Variants in WWOX observed in about 807,000 individuals in gnomAD.
WWOX encodes WW domain-containing oxidoreductase.
Under a neutral mutation model 46.2 loss-of-function variants are expected in WWOX, and 69 were observed. The observed-to-expected ratio is 1.49, with a 90% CI of 1.23 to 1.82. WWOX has a LOEUF of 1.82. Among genes scored for constraint, WWOX ranks in the 40% most tolerant of loss-of-function variants. The pLI is 0.00. For synonymous variants in WWOX, 359 were observed against 202.6 expected (o/e 1.77, Z -6.56); for missense variants, 919 against 542.6 (o/e 1.69, Z -6.89).
chr16:79,064,324 T>A (rs778006670), intron 8 of WWOX, among the ~76,000 whole-genome samples: 39 of 152,236 alleles, frequency 2.6e-4, no homozygotes, highest in Non-Finnish European at 5.6e-4. Context: ...GGGCATAGCT[T>A]GTGGAATTCG....
chr16:78,192,169 C>G (rs2035902206), intron 5 of WWOX, among the ~76,000 whole-genome samples: 1 of 152,040 alleles, frequency 6.6e-6, no homozygotes, highest in Non-Finnish European at 1.5e-5. Flanking sequence ...TAAGTACCCC[C>G]TTAATCTGAA....
intron 8 of WWOX, among the ~76,000 whole-genome samples, chr16:78,956,342 G>C (rs926026125): frequency 6.6e-6 from 1 of 151,766 alleles, no homozygotes; most frequent in South Asian, 2.1e-4. Context: ...TTTAGTGAAG[G>C]CGGAGTTTCA....
intron 8 of WWOX, among the ~76,000 whole-genome samples, chr16:79,086,872 G>C (rs1407651232): frequency 6.6e-6 from 1 of 152,182 alleles, no homozygotes; most frequent in Non-Finnish European, 1.5e-5. Flanking sequence ...GACAGAGTGA[G>C]ACCCTGTCCC....
intron 8 of WWOX, among the ~76,000 whole-genome samples, chr16:78,773,680 AC>A (rs1423199934): frequency 6.6e-6 from 1 of 152,188 alleles, no homozygotes; most frequent in Non-Finnish European, 1.5e-5. Context: ...AAACGAAATC[AC>A]AGTGGTGTGT....
intron 5 of WWOX, among the ~76,000 whole-genome samples, chr16:78,273,538 G>C (rs2079521765): frequency 2.0e-5 from 3 of 152,172 alleles, no homozygotes; most frequent in Admixed American, 2.0e-4. Context: ...TTGTCGAATG[G>C]TCAGATTTGC....
intron 5 of WWOX, among the ~76,000 whole-genome samples, chr16:78,308,956 C>T (rs1190423537): frequency 6.6e-6 from 1 of 152,112 alleles, no homozygotes; most frequent in Non-Finnish European, 1.5e-5. Flanking sequence ...CTAATAACTC[C>T]TTTAACCAAT....
intron 8 of WWOX, among the ~76,000 whole-genome samples, chr16:78,691,759 C>T (rs762571185): frequency 9.9e-5 from 15 of 152,066 alleles, no homozygotes; most frequent in Middle Eastern, 3.2e-3. Context: ...TGCAGTATCC[C>T]TGTAGGAGAG....
intron 8 of WWOX, among the ~76,000 whole-genome samples, chr16:78,798,423 G>C (rs527739206): frequency 6.6e-6 from 1 of 152,046 alleles, no homozygotes; most frequent in Non-Finnish European, 1.5e-5. Flanking sequence ...GGTGCGATGC[G>C]GGAACAAAAG....
rs961173455 is a variant in WWOX, at chr16:78,192,564, C to T, written c.516+28275C>T. ...ATATCCCTGGATTGTTGAGGAAATA[C>T]GTGAACATATGTGGCACACATTATA... On this transcript the variant is annotated intron_variant, in intron 5 of 8. Transcript: ENST00000566780. Among the ~76,000 whole-genome samples the T allele has an allele frequency of 3.3e-5, 5 of 150,646 alleles. No individual in the cohort carries two copies. In the South Asian group the frequency reaches 8.4e-4, roughly 25 times the overall value.
chr16:78,401,575 G>C (rs1383231943), intron 6 of WWOX, among the ~76,000 whole-genome samples: 1 of 152,102 alleles, frequency 6.6e-6, no homozygotes, highest in Non-Finnish European at 1.5e-5. Context: ...CCTTAAGTCT[G>C]CTTTAGGGAA....
intron 8 of WWOX, among the ~76,000 whole-genome samples, chr16:79,132,096 C>T (rs1051150398): frequency 6.6e-6 from 1 of 151,320 alleles, no homozygotes; most frequent in African/African-American, 2.4e-5. Flanking sequence ...CAGAGTCAAA[C>T]CGTATCACTC....
intron 8 of WWOX, among the ~76,000 whole-genome samples, chr16:78,869,246 C>T (rs1452332018): frequency 6.6e-6 from 1 of 152,126 alleles, no homozygotes; most frequent in East Asian, 1.9e-4. Context: ...GATCTCTATC[C>T]TGTCACCCTG....
At position 78,185,208 on chromosome 16, in the gene WWOX, C is replaced by G. The variant is rs117809345; in HGVS notation, c.516+20919C>G. On this transcript the variant is annotated intron_variant, in intron 5 of 8. Coordinates refer to ENST00000566780, the MANE Select transcript of WWOX (RefSeq NM_016373.4). ...AGAGGGAGGCCGAGAACTGGACTAT[C>G]AGAGAATAGCCAAAGATTTCTTTCC... 4.6e-5 allele frequency among the ~76,000 whole-genome samples: 7 copies of G among 152,300 alleles called. No individual in the cohort carries two copies. The East Asian group carries it at 1.2e-3, about 25-fold the overall frequency.
intron 8 of WWOX, among the ~76,000 whole-genome samples, chr16:79,176,654 C>T (rs925149638): frequency 1.3e-5 from 2 of 152,084 alleles, no homozygotes; most frequent in Admixed American, 6.5e-5. Flanking sequence ...AATCTATGGA[C>T]ATGTCTTTTT....
intron 8 of WWOX, among the ~76,000 whole-genome samples, chr16:79,084,399 A>T (rs1567538825): frequency 6.6e-6 from 1 of 152,180 alleles, no homozygotes; most frequent in Non-Finnish European, 1.5e-5. Context: ...TAATTCCTAA[A>T]ATGGTGATAA....
intron 5 of WWOX, among the ~76,000 whole-genome samples, chr16:78,350,729 T>G (rs1417984019): frequency 1.6e-5 from 2 of 121,518 alleles, no homozygotes; most frequent in Admixed American, 8.0e-5. Context: ...TTTCCACATT[T>G]TGGCTATTGT....
chr16:78,619,111 C>G (rs1164401288), intron 8 of WWOX, among the ~76,000 whole-genome samples: 1 of 104,572 alleles, frequency 9.6e-6, no homozygotes, highest in East Asian at 3.0e-4. Context: ...GCCTGGCCAA[C>G]GTGGCAAAAC....
intron 5 of WWOX, among the ~76,000 whole-genome samples, chr16:78,216,028 G>A (rs185266943): frequency 6.6e-6 from 1 of 152,248 alleles, no homozygotes; most frequent in Non-Finnish European, 1.5e-5. Flanking sequence ...GCAGGACAGT[G>A]AATAAGGGGC....
intron 8 of WWOX, among the ~76,000 whole-genome samples, chr16:79,022,089 G>C (rs539185959): frequency 1.3e-5 from 2 of 152,302 alleles, no homozygotes; most frequent in Admixed American, 1.3e-4. Context: ...GTACCCTCTG[G>C]GCAGAGGAAA....
Sources: gnomAD v4.1 joint callset for allele counts (sites outside exome capture counted in the v4.1 genomes callset) on GRCh38, gnomAD v4.1.1 for gene constraint, MANE v1.5 for transcripts, NCBI Gene and HGNC (gene_info 2026-07-23, HGNC 2026-07-21) for gene names.